LRRTM4: variants seen among roughly 807,000 people sequenced by gnomAD.
LRRTM4 encodes the protein leucine-rich repeat transmembrane neuronal protein 4.
In LRRTM4, 25 loss-of-function variants were observed where a neutral mutation model predicts 47.6. That is an observed-to-expected ratio of 0.53 (90% CI 0.38 to 0.73). The LOEUF is 0.73. LRRTM4 is among the 30% of genes least tolerant of loss of function. LRRTM4 has a pLI of 0.00. For missense variants in LRRTM4, 638 were observed against 713.4 expected (o/e 0.89, Z 1.20); for synonymous variants, 311 against 269.5 (o/e 1.15, Z -1.51).
chr2:77,152,450 T>A (rs1672454831), intron 3 of LRRTM4, among the ~76,000 whole-genome samples: 1 of 152,080 alleles, frequency 6.6e-6, no homozygotes. Context: ...TGCCTCAGCC[T>A]CCCAAGTAGC....
intron 3 of LRRTM4, among the ~76,000 whole-genome samples, chr2:76,782,550 G>T (rs890499833): frequency 6.6e-6 from 1 of 152,086 alleles, no homozygotes; most frequent in Non-Finnish European, 1.5e-5. Flanking sequence ...AATTGCTGTT[G>T]GTAATTTTAA....
chr2:76,844,787 T>C (rs749213995), intron 3 of LRRTM4, among the ~76,000 whole-genome samples: 50 of 152,226 alleles, frequency 3.3e-4, no homozygotes, highest in Non-Finnish European at 7.3e-4. Context: ...TGAGGAGTGC[T>C]GGTATAATAT....
At chr2:76,996,511 A>T (rs934961047) in intron 3 of LRRTM4, among the ~76,000 whole-genome samples, 1 of 151,866 alleles carries the variant, frequency 6.6e-6, no homozygotes, top group South Asian at 2.1e-4. Context: ...TAATAATTGT[A>T]TAAGATCAAG....
chr2:77,122,592 G>A (rs1671548804), intron 3 of LRRTM4, among the ~76,000 whole-genome samples: 1 of 151,118 alleles, frequency 6.6e-6, no homozygotes, highest in Admixed American at 6.6e-5. Context: ...TTTTGGACAT[G>A]CACACACCAT....
chr2:77,381,457 A>T (rs575116020), intron 3 of LRRTM4, among the ~76,000 whole-genome samples: 3 of 152,108 alleles, frequency 2.0e-5, no homozygotes, highest in Admixed American at 6.6e-5. Context: ...AATTGCTTTA[A>T]CACTAAAAGA....
At chr2:76,798,095 CAGACCTAAT>C (rs1675449631) in intron 3 of LRRTM4, among the ~76,000 whole-genome samples, 1 of 150,864 alleles carries the variant, frequency 6.6e-6, no homozygotes, top group Admixed American at 6.6e-5. Context: ...CTGCAGCAAG[CAGACCTAAT>C]AGACATCTAC....
intron 3 of LRRTM4, among the ~76,000 whole-genome samples, chr2:76,945,077 G>GT (rs1675278932): frequency 6.6e-6 from 1 of 152,124 alleles, no homozygotes; most frequent in South Asian, 2.1e-4. Context: ...ACAGGTATGT[G>GT]TTTTTTGGCC....
In LRRTM4 at chr2:77,191,771, T is replaced by C. The variant is rs912340661; in HGVS notation, c.1551+326547A>G. ...AATTTTGAGACAAGATTTTTTGTTT[T>C]TAAATTTTTAGTACTGGAGTACATG... On this transcript the variant is annotated intron_variant, in intron 3 of 3. Coordinates refer to ENST00000409884, the MANE Select transcript of LRRTM4 (RefSeq NM_001134745.3). Among the ~76,000 whole-genome samples, 5 of 152,200 alleles carry C rather than the reference T, an allele frequency of 3.3e-5. No individual in the cohort carries two copies. In the East Asian group the frequency reaches 9.7e-4, roughly 29 times the overall value.
At chr2:77,455,385 A>T (rs758341421) in intron 3 of LRRTM4, among the ~76,000 whole-genome samples, 2 of 151,964 alleles carry the variant, frequency 1.3e-5, no homozygotes, top group Non-Finnish European at 2.9e-5. Context: ...GTTATCAGTA[A>T]TTTTTTCCAA....
chr2:77,222,785 G>A (rs1674677629), intron 3 of LRRTM4, among the ~76,000 whole-genome samples: 1 of 152,144 alleles, frequency 6.6e-6, no homozygotes, highest in Admixed American at 6.5e-5. Flanking sequence ...GGTAGAAGGA[G>A]GAGCTGGTAC....
chr2:76,947,529 C>T (rs1675362043), intron 3 of LRRTM4, among the ~76,000 whole-genome samples: 1 of 151,716 alleles, frequency 6.6e-6, no homozygotes, highest in Admixed American at 6.6e-5. Flanking sequence ...TTAGTGTTCA[C>T]TCATAATGTA....
At chr2:76,997,021 G>A (rs1367454850) in intron 3 of LRRTM4, among the ~76,000 whole-genome samples, 1 of 152,112 alleles carries the variant, frequency 6.6e-6, no homozygotes, top group Non-Finnish European at 1.5e-5. Context: ...AGAGCTAAAG[G>A]ACAGGGTGTT....
At chr2:76,927,590 A>T (rs1303819555) in intron 3 of LRRTM4, among the ~76,000 whole-genome samples, 1 of 152,152 alleles carries the variant, frequency 6.6e-6, no homozygotes, top group East Asian at 1.9e-4. Flanking sequence ...ACCTTTCTCT[A>T]TTCCAATCCA....
chr2:76,795,839 C>T (rs1334304211), intron 3 of LRRTM4, among the ~76,000 whole-genome samples: 1 of 152,040 alleles, frequency 6.6e-6, no homozygotes, highest in African/African-American at 2.4e-5. Flanking sequence ...GGAACAGCTC[C>T]TGTCTACAGC....
chr2:76,975,330 G>A (rs923868623), intron 3 of LRRTM4, among the ~76,000 whole-genome samples: 7 of 151,672 alleles, frequency 4.6e-5, no homozygotes, highest in African/African-American at 9.7e-5. Flanking sequence ...AGCTTCACTT[G>A]CTCACTATGG....
chr2:77,504,186 A>G (rs945943213), intron 3 of LRRTM4, among the ~76,000 whole-genome samples: 23 of 151,654 alleles, frequency 1.5e-4, no homozygotes, highest in African/African-American at 5.6e-4. Context: ...CTAACACATG[A>G]GCTAAATCCA....
chr2:76,772,128 A>G lies in LRRTM4; in HGVS notation c.1552-23212T>C, dbSNP rs562982630. 2.0e-5 allele frequency among the ~76,000 whole-genome samples: 3 copies of G among 152,282 alleles called. No homozygotes were observed. The East Asian group carries it at 5.8e-4, about 29-fold the overall frequency. On this transcript the variant is annotated intron_variant, in intron 3 of 3. Transcript: ENST00000409884. ...AAGACCTTTGGGAGGTAATTAGATC[A>G]TAAGAGTGGAGCTCTCATCATGGGA...
At chr2:77,042,770 T>C (rs186240323) in intron 3 of LRRTM4, among the ~76,000 whole-genome samples, 2 of 151,880 alleles carry the variant, frequency 1.3e-5, no homozygotes, top group East Asian at 3.9e-4. Flanking sequence ...AGAACTGTGA[T>C]GGTGTAATAA....
At chr2:77,081,771 CTGTT>C (rs1415476066) in intron 3 of LRRTM4, among the ~76,000 whole-genome samples, 1 of 152,098 alleles carries the variant, frequency 6.6e-6, no homozygotes, top group African/African-American at 2.4e-5. Context: ...CACTGAAAAA[CTGTT>C]TAACTTTCTT....
Sources: gnomAD v4.1 joint callset for allele counts (sites outside exome capture counted in the v4.1 genomes callset) on GRCh38, gnomAD v4.1.1 for gene constraint, MANE v1.5 for transcripts, NCBI Gene and HGNC (gene_info 2026-07-23, HGNC 2026-07-21) for gene names.